CACNA1D: variants seen among roughly 807,000 people sequenced by gnomAD.
CACNA1D encodes calcium voltage-gated channel subunit alpha1 D, also known as voltage-dependent L-type calcium channel subunit alpha-1D.
In CACNA1D, 55 loss-of-function variants were observed where a neutral mutation model predicts 257.1. The observed-to-expected ratio is 0.21, with a 90% CI of 0.17 to 0.27. The LOEUF (loss-of-function observed/expected upper bound fraction) is 0.27. Ranked by LOEUF, CACNA1D falls within the 10% of genes least tolerant of loss-of-function variation. CACNA1D has a pLI of 1.00. For missense variants in CACNA1D, 1,876 were observed against 2,784.0 expected (o/e 0.67, Z 7.34); for synonymous variants, 980 against 1,014.9 (o/e 0.97, Z 0.65).
chr3:53,663,329 A>G (rs144719816), intron 5 of CACNA1D, among the ~76,000 whole-genome samples: 21 of 152,202 alleles, frequency 1.4e-4, no homozygotes, highest in Middle Eastern at 3.4e-3. Context: ...GAAGATGGAA[A>G]GTTTGAAGGT....
chr3:53,510,406 T>TGA (rs2091058764), intron 3 of CACNA1D, among the ~76,000 whole-genome samples: 1 of 152,226 alleles, frequency 6.6e-6, no homozygotes, highest in African/African-American at 2.4e-5. Context: ...AACAACTTCA[T>TGA]AGTTGGTGTA....
At chr3:53,669,689 T>C (rs2094304231) in intron 7 of CACNA1D, among the ~76,000 whole-genome samples, 2 of 152,230 alleles carry the variant, frequency 1.3e-5, no homozygotes, top group Admixed American at 6.5e-5. Context: ...AGAACAGGAC[T>C]ATTTGGATGT....
At chr3:53,740,464 G>A (rs764818781) in intron 21 of CACNA1D, 125 bp downstream of exon 21, 41 of 756,394 alleles carry the variant, frequency 5.4e-5, no homozygotes, top group Non-Finnish European at 8.8e-5. Flanking sequence ...TTTTGCATTT[G>A]AGATCATTTT....
chr3:53,512,783 A>G (rs2107260037), intron 3 of CACNA1D, among the ~76,000 whole-genome samples: 1 of 152,316 alleles, frequency 6.6e-6, no homozygotes, highest in South Asian at 2.1e-4. Flanking sequence ...TCAACTTTTC[A>G]TTATCTCTTC....
chr3:53,743,294 GTGT>G (rs1160555524), intron 22 of CACNA1D, among the ~76,000 whole-genome samples, 177 bp downstream of exon 22: 1 of 152,196 alleles, frequency 6.6e-6, no homozygotes, highest in Non-Finnish European at 1.5e-5. Flanking sequence ...TTGTGTGTGT[GTGT>G]TTTTTTCTTT....
Position 53,616,201 on chromosome 3 carries a change from T to C in CACNA1D, c.484-34578T>C, listed in dbSNP as rs918165692. ...TGCACGTAGCAGGGTTGAGGTATGA[T>C]GTGTTCTTCTCACTATCAGTGGTTG... On this transcript the variant is annotated intron_variant, in intron 3 of 47. Transcript: ENST00000350061. Among the ~76,000 whole-genome samples, 4 of 152,300 alleles carry C rather than the reference T, an allele frequency of 2.6e-5. No homozygotes were observed. The South Asian group carries it at 8.3e-4, about 32-fold the overall frequency.
chr3:53,709,893 G>A (rs1380166614), intron 9 of CACNA1D, among the ~76,000 whole-genome samples: 1 of 152,188 alleles, frequency 6.6e-6, no homozygotes, highest in African/African-American at 2.4e-5. Flanking sequence ...CAGGTGTGGA[G>A]GAAACTAAGG....
In CACNA1D at chr3:53,497,231, T is replaced by A. The variant is rs769710409; in HGVS notation, c.147T>A (p.Thr49=). ...CTCAGCCGAATAGCTCCAAGCAAACTGTCCTGTCTTGGCAAGCTGCAATCG... is the reference window on the plus strand; with the variant it reads ...CTCAGCCGAATAGCTCCAAGCAAACAGTCCTGTCTTGGCAAGCTGCAATCG... ...PTSQPNSSKQ[T]VLSWQAAIDA... Residue 49 remains threonine, a synonymous_variant, in exon 2 of 48, where the codon ACT becomes ACA. Coordinates refer to ENST00000350061, the MANE Select transcript of CACNA1D (RefSeq NM_001128840.3). 6.2e-7 allele frequency: 1 copy of A among 1,614,186 alleles called. No homozygotes were observed. The highest frequency in any genetic ancestry group is 1.1e-5 in the South Asian group (1 of 91,080).
intron 3 of CACNA1D, among the ~76,000 whole-genome samples, chr3:53,635,191 C>T (rs764834769): frequency 6.6e-6 from 1 of 152,132 alleles, no homozygotes; most frequent in African/African-American, 2.4e-5. Flanking sequence ...TGTGTGTGCA[C>T]CTGACTGCAA....
chr3:53,755,596 A>C (rs1576570901), intron 29 of CACNA1D, among the ~76,000 whole-genome samples: 1 of 152,252 alleles, frequency 6.6e-6, no homozygotes, highest in Admixed American at 6.5e-5. Context: ...TTGTAGTTTC[A>C]CTCAGCAAGA....
intron 4 of CACNA1D, among the ~76,000 whole-genome samples, chr3:53,658,081 G>T (rs2094166001): frequency 6.6e-6 from 1 of 152,172 alleles, no homozygotes; most frequent in African/African-American, 2.4e-5. Flanking sequence ...ACTTTAGTCA[G>T]TTTAGACAGC....
intron 17 of CACNA1D, among the ~76,000 whole-genome samples, chr3:53,731,361 C>T (rs1481792702): frequency 9.9e-5 from 15 of 152,152 alleles, no homozygotes; most frequent in Admixed American, 9.2e-4. Flanking sequence ...CACCAGAAAA[C>T]CAATATGATA....
chr3:53,704,144 A>G (rs1479051983), intron 9 of CACNA1D, among the ~76,000 whole-genome samples: 3 of 152,030 alleles, frequency 2.0e-5, no homozygotes, highest in Non-Finnish European at 4.4e-5. Context: ...GTGAGGTGCA[A>G]TTGTGCCTCT....
In CACNA1D at chr3:53,786,949, A is replaced by G; in HGVS notation, c.4920A>G (p.Leu1640=). Residue 1640 remains leucine (L), a synonymous_variant, in exon 40 of 48, where the codon CTA becomes CTG. Coordinates refer to ENST00000350061, the MANE Select transcript of CACNA1D (RefSeq NM_001128840.3). The part of the protein sequence containing the change: ...KYPAKNTTIA[L]QAGLRTLHDI... ...CTGCGAAGAACACCACAATTGCCCT[A>G]CAGGTGAATTGTTGTCTCATTTTGT... is the stretch of plus-strand genomic sequence containing the variant. The G allele has an allele frequency of 6.2e-7, 1 of 1,614,074 alleles. No homozygotes were observed. The highest frequency in any genetic ancestry group is 8.5e-7 in the Non-Finnish European group (1 of 1,179,898).
intron 11 of CACNA1D, 89 bp from the exon 12 acceptor site, chr3:53,722,225 G>A: frequency 6.7e-7 from 1 of 1,483,934 alleles, no homozygotes; most frequent in Non-Finnish European, 9.4e-7. Context: ...GACCTCCAGA[G>A]TGAAAGCCAA....
rs748425556 is a variant in CACNA1D, at chr3:53,718,705, C to T, written c.1478+317C>T. 2.1e-5 allele frequency: 32 copies of T among 1,559,078 alleles called. No individual in the cohort carries two copies. The highest frequency in any genetic ancestry group is 1.7e-4 in the Admixed American group (9 of 52,026). ...AGGTGCTGGTGGAGACGGAGAGGCG[C>T]GGCCAAGGCGGGGCCCTCTGGGTGT... On this transcript the variant is annotated intron_variant, in intron 10 of 47. Transcript: ENST00000350061.
chr3:53,652,508 A>G (rs2094108068), intron 4 of CACNA1D, among the ~76,000 whole-genome samples: 2 of 152,256 alleles, frequency 1.3e-5, no homozygotes, highest in African/African-American at 4.8e-5. Flanking sequence ...CCATGAGGCC[A>G]GGAAAGACCA....
rs1031479842 is a variant in CACNA1D at position 53,723,439 on chromosome 3, G to T, written c.1672G>T (p.Ala558Ser). Residue 558 changes from alanine (A) to serine (S), a missense_variant, in exon 13 of 48, where the codon GCC becomes TCC. By Grantham distance (99) the Ala-to-Ser change is moderately conservative (BLOSUM62 1). Around this residue, in one of 10 missense-constraint regions of CACNA1D, gnomAD observed 257 missense variants for 399.7 expected, o/e 0.64. Coordinates refer to ENST00000350061, the MANE Select transcript of CACNA1D (RefSeq NM_001128840.3). This position sits in a 1 kb window ranked among gnomAD's most constrained non-coding sequence, Gnocchi z 5.6. ...PDWLTQIQDI[A>S]NKVLLALFTC... Reference sequence around the variant, plus strand: ...GTGCCCCTTTGTCTTTCCAGATATTGCCAACAAAGTCCTCTTGGCTCTGTT... The same window carrying T: ...GTGCCCCTTTGTCTTTCCAGATATTTCCAACAAAGTCCTCTTGGCTCTGTT... 2.5e-6 allele frequency: 4 copies of T among 1,613,542 alleles called. No individual in the cohort carries two copies. Among genetic ancestry groups the T allele is most frequent in the African/African-American group, 2.7e-5 (2 of 74,890 alleles).
At chr3:53,708,565 A>T (rs1449067926) in intron 9 of CACNA1D, among the ~76,000 whole-genome samples, 1 of 152,248 alleles carries the variant, frequency 6.6e-6, no homozygotes, top group Admixed American at 6.5e-5. Flanking sequence ...CATGTCTGCC[A>T]TCACCTTCAG....
Sources: gnomAD v4.1 joint callset for allele counts (sites outside exome capture counted in the v4.1 genomes callset) on GRCh38, gnomAD v4.1.1 for gene constraint, gnomAD v4.1.1 regional missense constraint, Gnocchi (gnomAD v3.1) non-coding constraint, MANE v1.5 for transcripts, NCBI Gene and HGNC (gene_info 2026-07-23, HGNC 2026-07-21) for gene names.